The following CTCF variants were observed in gnomAD, a reference collection of about 807,000 sequenced individuals.
CTCF encodes CCCTC-binding factor.
A neutral mutation model predicts 72.3 loss-of-function variants in CTCF; 7 were observed. The observed-to-expected ratio is 0.10, with a 90% CI of 0.06 to 0.18. CTCF has a LOEUF of 0.18. Ranked by LOEUF, CTCF falls within the 10% of genes least tolerant of loss-of-function variation. The probability of loss-of-function intolerance (pLI) is 1.00; values close to 1 mark genes in which losing one functional copy is unlikely to be tolerated. For missense variants in CTCF, 516 were observed against 949.1 expected (o/e 0.54, Z 6.00); for synonymous variants, 374 against 315.8 (o/e 1.18, Z -1.95).
chr16:67,562,692 C>G lies in CTCF; in HGVS notation c.-159C>G, dbSNP rs1225731030. ...GGTGGCCGGAGCCGTGGAGCGGCGG[C>G]GGAGCGGGCGCCGCGGGGGGTGTGG... On this transcript the variant is annotated 5_prime_UTR_variant, in exon 1 of 12. Coordinates refer to ENST00000264010, the MANE Select transcript of CTCF (RefSeq NM_006565.4). The G allele has an allele frequency of 6.6e-6, 1 of 151,396 alleles. No homozygotes were observed. Among genetic ancestry groups the G allele is most frequent in the East Asian group, 2.0e-4 (1 of 5,126 alleles). The allele number at this position is 151,396 out of a possible 1,614,324, so 9.4% of individuals were successfully genotyped here.
At chr16:67,601,973 C>T (rs2051898201) in intron 2 of CTCF, among the ~76,000 whole-genome samples, 1 of 151,538 alleles carries the variant, frequency 6.6e-6, no homozygotes, top group African/African-American at 2.4e-5. Flanking sequence ...ACGCGATTCT[C>T]CTGCCTCAGC....
intron 1 of CTCF, among the ~76,000 whole-genome samples, chr16:67,567,103 A>T (rs1477623353): frequency 6.6e-6 from 1 of 151,944 alleles, no homozygotes; most frequent in African/African-American, 2.4e-5. Context: ...TGGCCTCCCA[A>T]AGTGCTGGGA....
intron 2 of CTCF, among the ~76,000 whole-genome samples, chr16:67,578,325 CTTTTTTTTTTT>C (rs944395345): frequency 2.4e-5 from 2 of 84,482 alleles, no homozygotes; most frequent in African/African-American, 1.0e-4. Context: ...GTTTATGTAT[CTTTTTTTTTTT>C]TTTTTTTTTT....
chr16:67,576,841 T>C (rs1444385226), intron 2 of CTCF, among the ~76,000 whole-genome samples: 2 of 152,056 alleles, frequency 1.3e-5, no homozygotes, highest in South Asian at 4.1e-4. Context: ...TATAATAGAA[T>C]GTTGTGTAGC....
At position 67,637,804 on chromosome 16, in the gene CTCF, C is replaced by T. The variant is rs773026990; in HGVS notation, c.2116C>T (p.Pro706Ser). The change falls in exon 12 of 12, where the codon CCA (proline) becomes TCA (serine). Residue 706 changes from proline to serine, a missense_variant. Physicochemically the swap from Pro to Ser is moderately conservative, Grantham distance 74. Transcript: ENST00000264010. The stretch of plus-strand genomic sequence containing the variant: ...AGAGGGAGAGGAAGAGGAGGCCCAG[C>T]CAGCTGCCACAGATGCCCCCAACGG... ...PAEGEEEEAQ[P>S]AATDAPNGDL... is the part of the protein sequence containing the mutation. 1.2e-5 allele frequency: 20 copies of T among 1,612,948 alleles called. No homozygotes were observed. In the South Asian group the frequency reaches 2.2e-4, roughly 18 times the overall value.
At chr16:67,582,210 C>CAAAAAAA (rs60181073) in intron 2 of CTCF, among the ~76,000 whole-genome samples, 2 of 96,098 alleles carry the variant, frequency 2.1e-5, no homozygotes, top group South Asian at 3.5e-4. Flanking sequence ...GACTCCGTCT[C>CAAAAAAA]AAAAAAAAAA....
intron 2 of CTCF, among the ~76,000 whole-genome samples, chr16:67,600,570 G>GTT (rs2142788641): frequency 1.3e-5 from 2 of 150,982 alleles, no homozygotes; most frequent in South Asian, 4.2e-4. Context: ...TTAGAGATGG[G>GTT]GTCTCCCCAT....
At chr16:67,596,438 A>G (rs2051816102) in intron 2 of CTCF, among the ~76,000 whole-genome samples, 1 of 151,896 alleles carries the variant, frequency 6.6e-6, no homozygotes, top group Non-Finnish European at 1.5e-5. Context: ...TCATCTTTTC[A>G]TTGTAAATTT....
At chr16:67,583,898 C>A (rs926690075) in intron 2 of CTCF, among the ~76,000 whole-genome samples, 1 of 152,066 alleles carries the variant, frequency 6.6e-6, no homozygotes, top group African/African-American at 2.4e-5. Flanking sequence ...TCTTGGACTG[C>A]AGATGTAAAT....
chr16:67,637,874 G>A lies in CTCF; in HGVS notation c.*2G>A, dbSNP rs532271878. The A allele has an allele frequency of 1.9e-6, 3 of 1,602,350 alleles. No homozygotes were observed. The South Asian group carries it at 3.3e-5, about 18-fold the overall frequency. ...ATCCTCAGCATGATGGACCGGTGAT[G>A]GCGGAGCCTTGTGCGTCGCCAGGAC... On this transcript the variant is annotated 3_prime_UTR_variant, in exon 12 of 12. Transcript: ENST00000264010.
intron 2 of CTCF, among the ~76,000 whole-genome samples, chr16:67,608,154 C>G (rs983182738): frequency 1.3e-4 from 19 of 151,318 alleles, no homozygotes; most frequent in Admixed American, 1.3e-3. Context: ...GAAACCCCGT[C>G]TCTACTAAAA....
At chr16:67,626,784 T>C (rs529403478) in intron 8 of CTCF, 69 bp downstream of exon 8, 1 of 1,125,568 alleles carries the variant, frequency 8.9e-7, no homozygotes, top group East Asian at 2.8e-5. Context: ...CATTTACATA[T>C]CTAGTACAGT....
At chr16:67,617,693 A>G (rs1184304609) in intron 5 of CTCF, among the ~76,000 whole-genome samples, 3 of 152,222 alleles carry the variant, frequency 2.0e-5, no homozygotes, top group South Asian at 2.1e-4. Context: ...AAAAAAGAGT[A>G]CCAGTTTCAC....
chr16:67,635,229 C>G (rs751528060), intron 10 of CTCF, among the ~76,000 whole-genome samples: 7 of 151,324 alleles, frequency 4.6e-5, no homozygotes, highest in Non-Finnish European at 7.4e-5. Flanking sequence ...ACCATGTTGA[C>G]GAGGATGGTC....
intron 2 of CTCF, among the ~76,000 whole-genome samples, chr16:67,577,501 G>C (rs968826761): frequency 4.5e-4 from 67 of 150,260 alleles, no homozygotes; most frequent in African/African-American, 1.4e-3. Context: ...GCAGTGGTGC[G>C]ATATTGGCTC....
chr16:67,631,465 G>T (rs917145920), intron 10 of CTCF, among the ~76,000 whole-genome samples: 4 of 151,740 alleles, frequency 2.6e-5, no homozygotes, highest in Admixed American at 2.0e-4. Context: ...GTGCCCGGCT[G>T]TTTTTTTGTT....
chr16:67,602,607 C>T (rs181601436), intron 2 of CTCF, among the ~76,000 whole-genome samples: 2 of 151,884 alleles, frequency 1.3e-5, no homozygotes, highest in Admixed American at 1.3e-4. Context: ...TTTGGGAGGC[C>T]GAGGCCGGCA....
intron 4 of CTCF, 70 bp downstream of exon 4, chr16:67,612,191 C>A (rs1191894528): frequency 1.4e-6 from 2 of 1,416,516 alleles, no homozygotes; most frequent in Non-Finnish European, 1.9e-6. Context: ...TTCATTCAAG[C>A]TGACTCCAGC....
rs1477426627 is a variant in CTCF, at chr16:67,623,995, C to T, written c.1357+2404C>T. On this transcript the variant is annotated intron_variant, in intron 7 of 11. Transcript: ENST00000264010. ...TCCGGGAGGGGGAGGTTGCAGTGAG[C>T]GGAGATCGCGCCACGGCACTCCAGC... Among the ~76,000 whole-genome samples the T allele has an allele frequency of 4.2e-5, 6 of 143,450 alleles. 1 individual carries two copies. The highest frequency in any genetic ancestry group is 5.2e-5 in the African/African-American group (2 of 38,132). 94.1% of individuals were successfully genotyped at this position (143,450 alleles called of 152,430 possible).
Sources: gnomAD v4.1 joint callset for allele counts (sites outside exome capture counted in the v4.1 genomes callset) on GRCh38, gnomAD v4.1.1 for gene constraint, MANE v1.5 for transcripts, NCBI Gene and HGNC (gene_info 2026-07-23, HGNC 2026-07-21) for gene names.